The following CHD9 variants were observed in gnomAD, a reference collection of about 807,000 sequenced individuals.
The protein encoded by CHD9 is ATP-dependent chromatin remodeler CHD9.
CHD9 carries 77 observed loss-of-function variants against 316.1 expected under a neutral mutation model. The observed-to-expected ratio is 0.24, with a 90% CI of 0.20 to 0.29. The LOEUF is 0.29. CHD9 is among the 10% of genes least tolerant of loss of function. The probability of loss-of-function intolerance (pLI) is 1.00; values close to 1 mark genes in which losing one functional copy is unlikely to be tolerated. For missense variants in CHD9, 2,763 were observed against 3,438.1 expected, an observed-to-expected ratio of 0.80 and a Z score of 4.91; for synonymous variants, 1,129 against 1,158.3, an observed-to-expected ratio of 0.97 and a Z score of 0.51.
chr16:53,288,154 C>T, intron 27 of CHD9, 140 bp downstream of exon 27: 1 of 646,178 alleles, frequency 1.5e-6, no homozygotes, highest in African/African-American at 1.8e-5. Flanking sequence ...AAGTGATCAA[C>T]TTGGGTTGAC....
intron 2 of CHD9, among the ~76,000 whole-genome samples, chr16:53,182,511 C>T (rs1227442959): frequency 1.3e-5 from 2 of 152,110 alleles, no homozygotes; most frequent in African/African-American, 2.4e-5. Context: ...TGAAAATTGA[C>T]ACTATCTGGA....
chr16:53,111,163 C>G (rs2037835852), intron 1 of CHD9, among the ~76,000 whole-genome samples: 1 of 152,124 alleles, frequency 6.6e-6, no homozygotes, highest in Non-Finnish European at 1.5e-5. Context: ...AGATAAATCC[C>G]TCAGCCACTC....
intron 1 of CHD9, among the ~76,000 whole-genome samples, chr16:53,109,952 G>A (rs958986186): frequency 1.4e-4 from 22 of 152,092 alleles, no homozygotes; most frequent in African/African-American, 5.3e-4. Flanking sequence ...CCAAAGTGCT[G>A]GGATTACAGG....
At chr16:53,103,471 G>A (rs765113082) in intron 1 of CHD9, among the ~76,000 whole-genome samples, 2 of 152,126 alleles carry the variant, frequency 1.3e-5, no homozygotes, top group Admixed American at 6.6e-5. Flanking sequence ...AGGTTAAAAG[G>A]GAACTCATCT....
intron 10 of CHD9, among the ~76,000 whole-genome samples, chr16:53,233,781 G>A (rs2048382552): frequency 6.6e-6 from 1 of 152,162 alleles, no homozygotes; most frequent in African/African-American, 2.4e-5. Flanking sequence ...CAGGAAATGG[G>A]AATGAAGATC....
intron 19 of CHD9, among the ~76,000 whole-genome samples, chr16:53,256,717 G>A (rs1371188476): frequency 6.7e-6 from 1 of 149,908 alleles, no homozygotes; most frequent in Non-Finnish European, 1.5e-5. Context: ...GTTTATTATT[G>A]GAGTATTCTG....
intron 1 of CHD9, among the ~76,000 whole-genome samples, chr16:53,109,702 T>TTTTTTTTA (rs1252206460): frequency 6.8e-6 from 1 of 146,778 alleles, no homozygotes; most frequent in Non-Finnish European, 1.5e-5. Context: ...TTTTTTTTTT[T>TTTTTTTTA]GAGATGGAGT....
intron 12 of CHD9, among the ~76,000 whole-genome samples, chr16:53,242,051 T>C (rs1210292782): frequency 6.6e-6 from 1 of 152,208 alleles, no homozygotes; most frequent in Non-Finnish European, 1.5e-5. Context: ...AGGGCCTTCA[T>C]ACTTACTACT....
intron 1 of CHD9, among the ~76,000 whole-genome samples, chr16:53,124,287 G>A (rs1190678183): frequency 1.3e-5 from 2 of 151,954 alleles, no homozygotes; most frequent in East Asian, 3.9e-4. Flanking sequence ...CCTGAGTAGG[G>A]TAATTTATAA....
chr16:53,165,639 C>A (rs1009171075), intron 2 of CHD9, among the ~76,000 whole-genome samples: 1 of 152,014 alleles, frequency 6.6e-6, no homozygotes, highest in Non-Finnish European at 1.5e-5. Flanking sequence ...ATTTGAAAAT[C>A]ATCTTAAGCA....
chr16:53,081,782 T>C (rs1452658095), intron 1 of CHD9, among the ~76,000 whole-genome samples: 1 of 151,974 alleles, frequency 6.6e-6, no homozygotes, highest in Non-Finnish European at 1.5e-5. Flanking sequence ...TTTGTAGAGA[T>C]GGTGTTTCAC....
At chr16:53,092,903 C>G (rs137926729) in intron 1 of CHD9, among the ~76,000 whole-genome samples, 1 of 152,116 alleles carries the variant, frequency 6.6e-6, no homozygotes, top group Non-Finnish European at 1.5e-5. Context: ...TTCAGCCTCT[C>G]GAATAGCTGG....
chr16:53,236,704 T>G (rs184399634), intron 11 of CHD9, among the ~76,000 whole-genome samples: 76 of 151,710 alleles, frequency 5.0e-4, no homozygotes, highest in Middle Eastern at 3.4e-3. Flanking sequence ...GAAATATTTT[T>G]CAGCCCTAAT....
At chr16:53,293,488 T>A (rs1036875915) in intron 29 of CHD9, among the ~76,000 whole-genome samples, 1 of 151,576 alleles carries the variant, frequency 6.6e-6, no homozygotes, top group Non-Finnish European at 1.5e-5. Flanking sequence ...TGGTGGCGCA[T>A]GCCTGTGGTC....
At chr16:53,241,911 T>C (rs1052115172) in intron 12 of CHD9, among the ~76,000 whole-genome samples, 3 of 152,222 alleles carry the variant, frequency 2.0e-5, no homozygotes, top group Non-Finnish European at 4.4e-5. Context: ...AGTGTCTTGC[T>C]CAGAGCCAAA....
chr16:53,287,970 C>T lies in CHD9; in HGVS notation c.5203C>T (p.Pro1735Ser). The T allele has an allele frequency of 6.2e-7, 1 of 1,609,958 alleles. No individual in the cohort carries two copies. The highest frequency in any genetic ancestry group is 8.5e-7 in the Non-Finnish European group (1 of 1,176,258). The part of the protein sequence containing the change: ...NDYMDGDVED[P>S]EYKPAPAIFK... ...GTATTTTAACAGGGATGTGGAAGATCCAGAATACAAACCTGCCCCAGCCAT... is the reference window on the plus strand; with the variant it reads ...GTATTTTAACAGGGATGTGGAAGATTCAGAATACAAACCTGCCCCAGCCAT... Residue 1735 changes from proline to serine, a missense_variant, in exon 27 of 39, where the codon CCA becomes TCA. Pro to Ser is a moderately conservative substitution (Grantham distance 74, BLOSUM62 -1). Transcript: ENST00000447540.
At chr16:53,317,825 G>A (rs913482825) in intron 36 of CHD9, among the ~76,000 whole-genome samples, 3 of 152,072 alleles carry the variant, frequency 2.0e-5, no homozygotes, top group Admixed American at 1.3e-4. Context: ...AGGCCTAGGC[G>A]GGAGGATAGC....
chr16:53,282,822 C>G (rs910491920), intron 24 of CHD9, among the ~76,000 whole-genome samples: 1 of 152,102 alleles, frequency 6.6e-6, no homozygotes, highest in Non-Finnish European at 1.5e-5. Context: ...TGATACCATT[C>G]TCCTGTGGTT....
At chr16:53,315,581 C>G (rs1055529936) in intron 36 of CHD9, among the ~76,000 whole-genome samples, 1 of 152,076 alleles carries the variant, frequency 6.6e-6, no homozygotes, top group East Asian at 1.9e-4. Context: ...CGGATTCAAG[C>G]GATTCTCCCA....
Sources: gnomAD v4.1 joint callset for allele counts (sites outside exome capture counted in the v4.1 genomes callset) on GRCh38, gnomAD v4.1.1 for gene constraint, MANE v1.5 for transcripts, NCBI Gene and HGNC (gene_info 2026-07-23, HGNC 2026-07-21) for gene names.